PDE1A: variants seen among roughly 807,000 people sequenced by gnomAD.
PDE1A encodes dual specificity calcium/calmodulin-dependent 3',5'-cyclic nucleotide phosphodiesterase 1A.
A neutral mutation model predicts 61.7 loss-of-function variants in PDE1A; 35 were observed. The ratio of observed to expected loss-of-function variants is 0.57; its 90% CI spans 0.43 to 0.75. The LOEUF is 0.75. PDE1A is among the 30% of genes least tolerant of loss of function. The pLI is 0.00. For missense variants in PDE1A, 597 were observed against 630.6 expected, an observed-to-expected ratio of 0.95 and a Z score of 0.57; for synonymous variants, 232 against 213.2, an observed-to-expected ratio of 1.09 and a Z score of -0.77.
At chr2:182,211,612 T>G (rs1164545906) in intron 7 of PDE1A, among the ~76,000 whole-genome samples, 1 of 152,230 alleles carries the variant, frequency 6.6e-6, no homozygotes, top group Non-Finnish European at 1.5e-5. Flanking sequence ...TGCGAAGAAC[T>G]GACATCCTGA....
chr2:182,241,066 T>C (rs1327290568), intron 2 of PDE1A, among the ~76,000 whole-genome samples: 1 of 152,078 alleles, frequency 6.6e-6, no homozygotes, highest in Non-Finnish European at 1.5e-5. Flanking sequence ...AAGCTCCAGG[T>C]AGATAAAATT....
At chr2:182,408,404 A>C (rs1405741294) in intron 1 of PDE1A, among the ~76,000 whole-genome samples, 1 of 152,228 alleles carries the variant, frequency 6.6e-6, no homozygotes, top group Non-Finnish European at 1.5e-5. Flanking sequence ...TCAAATGTGA[A>C]CAATACTTAC....
chr2:182,479,395 T>C (rs1019580222), intron 2 of PDE1A, among the ~76,000 whole-genome samples: 1 of 151,940 alleles, frequency 6.6e-6, no homozygotes, highest in Non-Finnish European at 1.5e-5. Context: ...TTACAAGTTA[T>C]GTTGAAATGT....
chr2:182,461,933 A>T (rs1461704868), intron 2 of PDE1A, among the ~76,000 whole-genome samples: 3 of 152,106 alleles, frequency 2.0e-5, no homozygotes, highest in Admixed American at 6.6e-5. Flanking sequence ...CCCCAGAAAA[A>T]TTTCTCTTGT....
At chr2:182,341,138 C>T (rs1030622604) in intron 1 of PDE1A, among the ~76,000 whole-genome samples, 3 of 152,182 alleles carry the variant, frequency 2.0e-5, no homozygotes, top group Non-Finnish European at 2.9e-5. Context: ...TAAACATCAA[C>T]ACTTTCAATC....
chr2:182,201,658 A>AAAAC (rs1686652738), intron 9 of PDE1A, 30 bp downstream of exon 9: 1 of 1,552,258 alleles, frequency 6.4e-7, no homozygotes, highest in African/African-American at 1.4e-5. Context: ...GACAAAAAAA[A>AAAAC]AAAAACAACA....
At chr2:182,583,148 C>T in the PDE1A span, among the ~76,000 whole-genome samples, 1 of 152,112 alleles carries the variant, frequency 6.6e-6, no homozygotes, top group African/African-American at 2.4e-5. Context: ...GTGGTAAAAT[C>T]CATGGAGCTT....
At chr2:182,616,417 G>A in the PDE1A span, among the ~76,000 whole-genome samples, 1 of 152,190 alleles carries the variant, frequency 6.6e-6, no homozygotes, top group East Asian at 1.9e-4. Flanking sequence ...ACAAGGACAG[G>A]TTACTTCAGA....
Position 182,387,153 on chromosome 2 carries a change from C to A in PDE1A, c.53+39425G>T, listed in dbSNP as rs1701157985. ...GTGCTCTCTGAAACATGTGCTGTGT[C>A]CACTCAGGGTTAAATGGATTAAGGG... On this transcript the variant is annotated intron_variant, in intron 1 of 13. Coordinates refer to ENST00000351439, the Ensembl canonical transcript of PDE1A. Among the ~76,000 whole-genome samples the A allele has an allele frequency of 4.6e-5, 7 of 152,272 alleles. 1 individual carries two copies. In the South Asian group the frequency reaches 1.5e-3, roughly 32 times the overall value.
At chr2:182,177,478 G>A (rs1424176946) in intron 13 of PDE1A, among the ~76,000 whole-genome samples, 7 of 152,076 alleles carry the variant, frequency 4.6e-5, no homozygotes, top group Non-Finnish European at 8.8e-5. Context: ...TTGCATAGAG[G>A]TGTTTGTAGT....
chr2:182,215,955 C>CACA (rs1466698408), intron 7 of PDE1A, among the ~76,000 whole-genome samples: 3 of 119,788 alleles, frequency 2.5e-5, no homozygotes, highest in African/African-American at 3.4e-5. Flanking sequence ...CAGGCAGAGA[C>CACA]ACAACAAAAA....
At chr2:182,223,279 A>G (rs1388444506) in intron 7 of PDE1A, among the ~76,000 whole-genome samples, 1 of 151,998 alleles carries the variant, frequency 6.6e-6, no homozygotes, top group Non-Finnish European at 1.5e-5. Context: ...CATAATTGTG[A>G]AAAAATAAAT....
intron 1 of PDE1A, among the ~76,000 whole-genome samples, chr2:182,352,399 C>A (rs886215697): frequency 1.3e-5 from 2 of 152,158 alleles, no homozygotes; most frequent in African/African-American, 4.8e-5. Context: ...AACCCAGGAG[C>A]CTTATGCCTT....
intron 2 of PDE1A, among the ~76,000 whole-genome samples, chr2:182,454,771 A>G (rs1412575742): frequency 6.6e-6 from 1 of 152,104 alleles, no homozygotes; most frequent in East Asian, 1.9e-4. Flanking sequence ...AATTAATTCA[A>G]GATGGATGAA....
chr2:182,427,482 G>C (rs1703691447), upstream of PDE1A, among the ~76,000 whole-genome samples: 1 of 151,896 alleles, frequency 6.6e-6, no homozygotes, highest in African/African-American at 2.4e-5. Flanking sequence ...AACATCTCTT[G>C]CAAAAAAGAG....
chr2:182,701,373 G>A, the PDE1A span, among the ~76,000 whole-genome samples: 2 of 137,294 alleles, frequency 1.5e-5, no homozygotes, highest in South Asian at 2.4e-4. Context: ...TATCCTAAAC[G>A]TTAAGGTTTG....
At chr2:182,327,082 T>C (rs1259872183) in intron 1 of PDE1A, among the ~76,000 whole-genome samples, 1 of 152,232 alleles carries the variant, frequency 6.6e-6, no homozygotes, top group East Asian at 1.9e-4. Context: ...CTAGGAATTC[T>C]TCTAGGTCCT....
At chr2:182,571,838 T>C in the PDE1A span, among the ~76,000 whole-genome samples, 5 of 152,126 alleles carry the variant, frequency 3.3e-5, no homozygotes, top group East Asian at 1.9e-4. Flanking sequence ...ATTCTAAATC[T>C]ACAACACAGC....
At chr2:182,190,381 C>T (rs895727971) in intron 10 of PDE1A, among the ~76,000 whole-genome samples, 5 of 152,128 alleles carry the variant, frequency 3.3e-5, no homozygotes, top group Non-Finnish European at 4.4e-5. Context: ...GCTTAAAGGA[C>T]AGATGGAAGG....
Sources: allele counts gnomAD v4.1 joint callset (sites outside exome capture counted in the v4.1 genomes callset), GRCh38; gene constraint gnomAD v4.1.1; transcripts MANE v1.5; gene names NCBI Gene and HGNC (gene_info 2026-07-23, HGNC 2026-07-21).